Variants in GRM5 observed in about 807,000 individuals in gnomAD.
The protein encoded by GRM5 is glutamate metabotropic receptor 5, also known as metabotropic glutamate receptor 5.
A neutral mutation model predicts 83.1 loss-of-function variants in GRM5; 19 were observed. The observed-to-expected ratio is 0.23, with a 90% CI of 0.16 to 0.34. GRM5 has a LOEUF of 0.34. Among genes scored for constraint, GRM5 ranks in the 10% least tolerant of loss-of-function variants. GRM5 has a pLI of 1.00. For missense variants in GRM5, 1,160 were observed against 1,588.3 expected, an observed-to-expected ratio of 0.73 and a Z score of 4.58; for synonymous variants, 675 against 633.6, an observed-to-expected ratio of 1.07 and a Z score of -0.98.
intron 3 of GRM5, among the ~76,000 whole-genome samples, chr11:88,833,762 A>G (rs1944040621): frequency 6.6e-6 from 1 of 152,182 alleles, no homozygotes; most frequent in African/African-American, 2.4e-5. Flanking sequence ...GGTATATGTA[A>G]ACACAATGAA....
chr11:88,744,921 G>T (rs1368683910), intron 3 of GRM5, among the ~76,000 whole-genome samples: 1 of 152,152 alleles, frequency 6.6e-6, no homozygotes, highest in Admixed American at 6.6e-5. Context: ...AAATAAGGAA[G>T]TCTAGTAGAG....
At chr11:88,825,998 A>T (rs940159275) in intron 3 of GRM5, among the ~76,000 whole-genome samples, 8 of 152,170 alleles carry the variant, frequency 5.3e-5, no homozygotes, top group African/African-American at 1.7e-4. Context: ...GGAAGAAGTA[A>T]TTATTTTTAT....
intron 3 of GRM5, among the ~76,000 whole-genome samples, chr11:88,783,448 A>G (rs369030070): frequency 5.9e-5 from 9 of 152,154 alleles, no homozygotes; most frequent in African/African-American, 1.9e-4. Context: ...CACACTAAAA[A>G]GAAACAAATA....
At position 88,848,690 on chromosome 11, in the gene GRM5, C is replaced by T. The variant is rs182672238; in HGVS notation, c.911+1216G>A. Among the ~76,000 whole-genome samples the T allele has an allele frequency of 3.3e-5, 5 of 152,316 alleles. No homozygotes were observed. The East Asian group carries it at 9.6e-4, about 29-fold the overall frequency. ...CACCTCATTCACACATTCAAAACTA[C>T]GATGTTGTCTTACTAATTATGATAG... On this transcript the variant is annotated intron_variant, in intron 3 of 9. Transcript: ENST00000305447.
At chr11:88,646,459 G>C (rs1340755968) in intron 4 of GRM5, among the ~76,000 whole-genome samples, 2 of 149,904 alleles carry the variant, frequency 1.3e-5, no homozygotes, top group Non-Finnish European at 3.0e-5. Flanking sequence ...AAGGGCCATA[G>C]TAATATTTAG....
chr11:88,829,522 T>C (rs1009407747), intron 3 of GRM5, among the ~76,000 whole-genome samples: 3 of 151,994 alleles, frequency 2.0e-5, no homozygotes, highest in South Asian at 2.1e-4. Context: ...AATAAAACAA[T>C]AGTACCAAAG....
At chr11:88,870,608 T>A (rs1160886819) in intron 2 of GRM5, among the ~76,000 whole-genome samples, 1 of 151,622 alleles carries the variant, frequency 6.6e-6, no homozygotes, top group African/African-American at 2.4e-5. Context: ...TGTAGTCTGA[T>A]AGACCAACTA....
At chr11:88,690,996 G>T (rs1940767814) in intron 3 of GRM5, among the ~76,000 whole-genome samples, 1 of 152,138 alleles carries the variant, frequency 6.6e-6, no homozygotes, top group African/African-American at 2.4e-5. Flanking sequence ...AGTCTGATAT[G>T]TGAAGTTTGT....
Position 88,815,317 on chromosome 11 carries a change from A to T in GRM5, c.911+34589T>A, listed in dbSNP as rs531504666. On this transcript the variant is annotated intron_variant, in intron 3 of 9. Coordinates refer to ENST00000305447, the MANE Select transcript of GRM5 (RefSeq NM_001143831.3). ...TATTTGGGAACTAAATAAAACATTT[A>T]TAATAACTCATGTGTCAAGGACAAA... 7.9e-5 allele frequency among the ~76,000 whole-genome samples: 12 copies of T among 152,380 alleles called. No individual in the cohort carries two copies. The East Asian group carries it at 2.3e-3, about 29-fold the overall frequency.
intron 2 of GRM5, among the ~76,000 whole-genome samples, chr11:88,977,836 T>A (rs1372328735): frequency 6.6e-6 from 1 of 152,266 alleles, no homozygotes; most frequent in Non-Finnish European, 1.5e-5. Flanking sequence ...TTGACATGAA[T>A]GTTATTTGGC....
intron 3 of GRM5, among the ~76,000 whole-genome samples, chr11:88,662,603 C>A (rs1024363410): frequency 2.6e-5 from 4 of 151,974 alleles, no homozygotes; most frequent in Non-Finnish European, 5.9e-5. Flanking sequence ...GGGATACTAC[C>A]CTCTATAAAT....
chr11:88,576,916 C>T (rs1286125281), intron 7 of GRM5, among the ~76,000 whole-genome samples: 1 of 152,052 alleles, frequency 6.6e-6, no homozygotes. Context: ...TGTCAAGATC[C>T]CTTTCCTGCA....
chr11:88,840,307 T>C (rs965893475), intron 3 of GRM5, among the ~76,000 whole-genome samples: 1 of 152,192 alleles, frequency 6.6e-6, no homozygotes, highest in Non-Finnish European at 1.5e-5. Context: ...GATTATCTAA[T>C]GTCAATTTGC....
At chr11:88,956,715 A>G (rs1325432600) in intron 2 of GRM5, among the ~76,000 whole-genome samples, 1 of 152,240 alleles carries the variant, frequency 6.6e-6, no homozygotes, top group Non-Finnish European at 1.5e-5. Context: ...CTGAGGCAGG[A>G]GAAAGGCGTG....
At chr11:89,020,463 G>C (rs533568945) in intron 2 of GRM5, among the ~76,000 whole-genome samples, 33 of 152,322 alleles carry the variant, frequency 2.2e-4, no homozygotes, top group Non-Finnish European at 3.5e-4. Flanking sequence ...TTTAGTGATA[G>C]ACTGTTGGAA....
intron 3 of GRM5, among the ~76,000 whole-genome samples, chr11:88,675,199 T>C (rs1047462712): frequency 1.9e-4 from 29 of 152,124 alleles, no homozygotes; most frequent in African/African-American, 7.0e-4. Context: ...CACTGTGTGC[T>C]TAATTCTGCC....
chr11:88,976,778 TTGTTTTTTCAG>T (rs1565317045), intron 2 of GRM5, among the ~76,000 whole-genome samples: 13 of 152,110 alleles, frequency 8.5e-5, no homozygotes, highest in African/African-American at 2.9e-4. Flanking sequence ...CACACACAAA[TTGTTTTTTCAG>T]AGATAAAAAT....
At chr11:88,770,291 A>C (rs1223332504) in intron 3 of GRM5, among the ~76,000 whole-genome samples, 2 of 152,124 alleles carry the variant, frequency 1.3e-5, no homozygotes, top group Non-Finnish European at 2.9e-5. Context: ...CATTAGATAA[A>C]AACAAAGGGA....
chr11:88,549,488 A>AC (rs1463735167), intron 8 of GRM5, among the ~76,000 whole-genome samples: 40 of 151,474 alleles, frequency 2.6e-4, no homozygotes, highest in African/African-American at 9.4e-4. Context: ...CCAAACCCCA[A>AC]CCCCCCAGAG....
Sources: gnomAD v4.1 joint callset for allele counts (sites outside exome capture counted in the v4.1 genomes callset) on GRCh38, gnomAD v4.1.1 for gene constraint, MANE v1.5 for transcripts, NCBI Gene and HGNC (gene_info 2026-07-23, HGNC 2026-07-21) for gene names.